The following JMJD1C variants were observed in gnomAD, a reference collection of about 807,000 sequenced individuals.
The protein encoded by JMJD1C is jumonji domain containing 1C, also known as jumonji domain-containing protein 1C.
Under a neutral mutation model 245.3 loss-of-function variants are expected in JMJD1C, and 31 were observed. That is an observed-to-expected ratio of 0.13 (90% confidence interval 0.09 to 0.17). The LOEUF is 0.17. JMJD1C is among the 10% of genes least tolerant of loss of function. JMJD1C has a pLI of 1.00. For missense variants in JMJD1C, 2,691 were observed against 3,000.2 expected (o/e 0.90, Z 2.41); for synonymous variants, 1,057 against 1,017.4 (o/e 1.04, Z -0.74).
Position 63,207,027 on chromosome 10 carries a change from T to A in JMJD1C, c.4642A>T (p.Thr1548Ser), listed in dbSNP as rs767377455. Residue 1548 changes from threonine (T) to serine (S), a missense_variant, in exon 10 of 26, where the codon ACT becomes TCT. By Grantham distance (58) the Thr-to-Ser change is moderately conservative. This residue lies in a region of JMJD1C where 5 missense variants were observed against 19.3 expected (regional missense o/e 0.26). Transcript: ENST00000399262. ...ASQTSQPNYH[T>S]KLKKAWLTRH... ...GTGAGCCAGGCCTTTTTCAGTTTAG[T>A]ATGGTAGTTTGGTTGACTTGTCTGG... 6.2e-7 allele frequency: 1 copy of A among 1,614,168 alleles called. No homozygotes were observed. The highest frequency in any genetic ancestry group is 8.5e-7 in the Non-Finnish European group (1 of 1,180,008).
intron 17 of JMJD1C, among the ~76,000 whole-genome samples, chr10:63,189,773 G>A (rs934853680): frequency 2.0e-4 from 31 of 152,110 alleles, no homozygotes; most frequent in Admixed American, 5.9e-4. Context: ...TGAGGGTCTT[G>A]CTATGTTGCT....
At position 63,220,003 on chromosome 10, in the gene JMJD1C, G is replaced by C. The variant is rs1380944861; in HGVS notation, c.448-20C>G. The C allele has an allele frequency of 6.4e-7, 1 of 1,571,354 alleles. No individual in the cohort carries two copies. The highest frequency in any genetic ancestry group is 8.7e-7 in the Non-Finnish European group (1 of 1,142,908). ...GTCGTCCTAGAATTATAGATTAAAA[G>C]AAAGGTCCATGTTACGCTCTCCTAC... On this transcript the variant is annotated intron_variant, in intron 3 of 25. Transcript: ENST00000399262.
intron 3 of JMJD1C, chr10:63,222,052 T>C: frequency 4.5e-6 from 2 of 448,566 alleles, no homozygotes; most frequent in African/African-American, 4.0e-5. Context: ...GGAAAACCAT[T>C]ACTATTTTCA....
At position 63,358,978 on chromosome 10, in the gene JMJD1C, G is replaced by A. The variant is rs144743112; in HGVS notation, c.333+21340C>T. 8.1e-4 allele frequency: 130 copies of A among 160,376 alleles called. 2 individuals carry two copies. The Middle Eastern group carries it at 0.012, about 15-fold the overall frequency. The allele number at this position is 160,376 out of a possible 1,614,324, so 9.9% of individuals were successfully genotyped here. On this transcript the variant is annotated intron_variant, in intron 2 of 25. Transcript: ENST00000399262. ...ATAATGACCTCCTTCAATTTCCACC[G>A]AAGCATGGTAATTGTGTGAATTTAA...
At chr10:63,363,853 ATT>A (rs759663605) in intron 2 of JMJD1C, among the ~76,000 whole-genome samples, 20 of 126,400 alleles carry the variant, frequency 1.6e-4, no homozygotes, top group Admixed American at 1.7e-4. Flanking sequence ...TGCCTGGCTA[ATT>A]TTTTTTTTTT....
chr10:63,474,717 TG>T (rs1429866534), intron 1 of JMJD1C, among the ~76,000 whole-genome samples: 4 of 152,160 alleles, frequency 2.6e-5, no homozygotes, highest in Non-Finnish European at 5.9e-5. Context: ...CCCAAAGTGC[TG>T]GGACTGCAGG....
Position 63,249,945 on chromosome 10 carries a change from T to TTA in JMJD1C, c.447+14704_447+14705dup, listed in dbSNP as rs898189471. On this transcript the variant is annotated intron_variant, in intron 3 of 25. Transcript: ENST00000399262. ...ATTACAATGATTTGATCTTTAGAAA[T>TTA]TATATAAATGTATTAAATTATCACA... 1.1e-4 allele frequency among the ~76,000 whole-genome samples: 17 copies of TTA among 152,178 alleles called. 1 individual carries two copies. The highest frequency in any genetic ancestry group is 4.1e-4 in the African/African-American group (17 of 41,524).
At chr10:63,297,678 C>T (rs1465017050) in intron 2 of JMJD1C, among the ~76,000 whole-genome samples, 2 of 152,246 alleles carry the variant, frequency 1.3e-5, no homozygotes, top group South Asian at 4.1e-4. Context: ...AACACTACAG[C>T]CCTCCTGCCC....
chr10:63,298,355 C>G (rs1361303215), intron 2 of JMJD1C, among the ~76,000 whole-genome samples: 1 of 152,206 alleles, frequency 6.6e-6, no homozygotes, highest in East Asian at 1.9e-4. Flanking sequence ...TAAACAGGAC[C>G]ATGTCTCCTC....
At position 63,380,464 on chromosome 10, in the gene JMJD1C, C is replaced by A; in HGVS notation, c.187G>T (p.Asp63Tyr). The A allele has an allele frequency of 6.2e-7, 1 of 1,612,496 alleles. No individual in the cohort carries two copies. The highest frequency in any genetic ancestry group is 8.5e-7 in the Non-Finnish European group (1 of 1,179,438). The part of the protein sequence containing the change: ...PDLAVYVEFD[D>Y]LEWDKREWVK... The stretch of plus-strand genomic sequence containing the variant: ...CACTCTCGTTTATCCCATTCAAGAT[C>A]ATCAAATTCCACATACACCTATGAA... Residue 63 changes from aspartate (D) to tyrosine (Y), a missense_variant, in exon 2 of 26, where the codon GAT becomes TAT. Coordinates refer to ENST00000399262, the MANE Select transcript of JMJD1C (RefSeq NM_032776.3).
intron 1 of JMJD1C, among the ~76,000 whole-genome samples, chr10:63,381,521 G>GT (rs1947215816): frequency 6.6e-6 from 1 of 152,172 alleles, no homozygotes; most frequent in African/African-American, 2.4e-5. Context: ...GACAGAATGA[G>GT]ACTCTGTCTA....
chr10:63,359,805 ATTTAAACTCTTTT>A (rs1274714147), intron 2 of JMJD1C, among the ~76,000 whole-genome samples: 1 of 152,182 alleles, frequency 6.6e-6, no homozygotes, highest in Non-Finnish European at 1.5e-5. Context: ...ACAATTTAGA[ATTTAAACTCTTTT>A]TTAAGGATGG....
intron 1 of JMJD1C, among the ~76,000 whole-genome samples, chr10:63,425,953 A>G (rs1950415581): frequency 6.6e-6 from 1 of 152,256 alleles, no homozygotes; most frequent in Non-Finnish European, 1.5e-5. Context: ...TATGTAAGTT[A>G]GGGAAAACAC....
chr10:63,281,458 C>CTTTTTTTTTTTTTTTTTTTTTTTT lies in JMJD1C; in HGVS notation c.334-16718_334-16695dup, dbSNP rs71025144. Among the ~76,000 whole-genome samples, 2 of 65,350 alleles carry CTTTTTTTTTTTTTTTTTTTTTTTT rather than the reference C, an allele frequency of 3.1e-5. 1 individual carries two copies. The allele number at this position is 65,350 out of a possible 152,430, so 42.9% of individuals were successfully genotyped here. On this transcript the variant is annotated intron_variant, in intron 2 of 25. Transcript: ENST00000399262. ...ACAGGCGTGAGCCACTGCGCCTGGC[C>CTTTTTTTTTTTTTTTTTTTTTTTT]TTTTTTTTTTTTTTTTTTTTTTTTT...
At position 63,200,557 on chromosome 10, in the gene JMJD1C, C is replaced by A; in HGVS notation, c.5195G>T (p.Arg1732Leu). The change falls in exon 11 of 26, where the codon CGA becomes CTA. Residue 1732 changes from arginine to leucine, a missense_variant. Physicochemically the swap from Arg to Leu is moderately radical, Grantham distance 102. This residue lies in a region of JMJD1C where 139 missense variants were observed against 270.5 expected (regional missense o/e 0.51). Transcript: ENST00000399262. ...CEIGPNLQKC[R>L]ECRLIRSKKG... is the part of the protein sequence containing the mutation. ...TTTACTGCGAATAAGTCTACATTCTCGACACTTTTGTAAATTAGGCCCTAT... is the reference window on the plus strand; with the variant it reads ...TTTACTGCGAATAAGTCTACATTCTAGACACTTTTGTAAATTAGGCCCTAT... The A allele has an allele frequency of 6.2e-7, 1 of 1,613,910 alleles. No individual in the cohort carries two copies. The highest frequency in any genetic ancestry group is 8.5e-7 in the Non-Finnish European group (1 of 1,179,896).
At chr10:63,483,502 T>G (rs534263597) in intron 1 of JMJD1C, among the ~76,000 whole-genome samples, 1 of 152,294 alleles carries the variant, frequency 6.6e-6, no homozygotes, top group East Asian at 1.9e-4. Flanking sequence ...ACTCTCACCC[T>G]CCATGTGACA....
intron 2 of JMJD1C, among the ~76,000 whole-genome samples, chr10:63,324,039 C>T (rs1489917268): frequency 2.9e-5 from 4 of 136,134 alleles, no homozygotes; most frequent in Admixed American, 7.5e-5. Flanking sequence ...CTTCGTCTGC[C>T]TTTTTTTTTT....
Position 63,206,635 on chromosome 10 carries a change from G to C in JMJD1C, c.5034C>G (p.Ala1678=). 2 of 1,598,470 alleles carry C rather than the reference G, an allele frequency of 1.3e-6. No homozygotes were observed. The highest frequency in any genetic ancestry group is 1.7e-6 in the Non-Finnish European group (2 of 1,175,598). ...LKPNGVLSRS[A]KERSKLKLQS... is the part of the protein sequence containing the mutation. ...GCAACTTCAGTTTACTTCTTTCTTT[G>C]GCACTCCTGCTGAGAACTCCATTGG... Residue 1678 remains alanine (A), a synonymous_variant, in exon 10 of 26, where the codon GCC becomes GCG. Transcript: ENST00000399262.
In JMJD1C at chr10:63,278,921, G is replaced by A. The variant is rs142637520; in HGVS notation, c.334-14157C>T. Among the ~76,000 whole-genome samples the A allele has an allele frequency of 3.2e-3, 487 of 151,300 alleles. 3 individuals are homozygous for A. Among genetic ancestry groups the A allele is most frequent in the African/African-American group, 0.011 (470 of 41,212 alleles). On this transcript the variant is annotated intron_variant, in intron 2 of 25. Transcript: ENST00000399262. The stretch of plus-strand genomic sequence containing the variant: ...TTTCTGGTCTTATATACTCATTATC[G>A]CTTGAAAGCTATCTCTATTTTCAAA...
Sources: allele counts gnomAD v4.1 joint callset (sites outside exome capture counted in the v4.1 genomes callset), GRCh38; gene constraint gnomAD v4.1.1; regional missense constraint gnomAD v4.1.1; transcripts MANE v1.5; gene names NCBI Gene and HGNC (gene_info 2026-07-23, HGNC 2026-07-21).